The following DAPK1 variants were observed in gnomAD, a reference collection of about 807,000 sequenced individuals.
DAPK1 encodes the protein death-associated protein kinase 1.
Under a neutral mutation model 144.9 loss-of-function variants are expected in DAPK1, and 56 were observed. The ratio of observed to expected loss-of-function variants is 0.39; its 90% CI spans 0.31 to 0.48. The LOEUF (loss-of-function observed/expected upper bound fraction) is 0.48. DAPK1 is among the 20% of genes least tolerant of loss of function. DAPK1 has a pLI of 0.95. For synonymous variants in DAPK1, 690 were observed against 749.0 expected (o/e 0.92, Z 1.29); for missense variants, 1,454 against 1,875.4 (o/e 0.78, Z 4.15).
At chr9:87,596,415 A>C (rs1828319038) in intron 2 of DAPK1, among the ~76,000 whole-genome samples, 1 of 152,204 alleles carries the variant, frequency 6.6e-6, no homozygotes, top group Admixed American at 6.5e-5. Context: ...GGAGGCCAGC[A>C]ATAAGCCCTG....
chr9:87,624,487 G>T (rs1829420715), intron 3 of DAPK1, among the ~76,000 whole-genome samples: 4 of 152,198 alleles, frequency 2.6e-5, no homozygotes, highest in Admixed American at 2.6e-4. Context: ...GGTCGAGCAG[G>T]CACAGAACTT....
chr9:87,587,029 T>G (rs1440281174), intron 2 of DAPK1, among the ~76,000 whole-genome samples: 1 of 152,234 alleles, frequency 6.6e-6, no homozygotes, highest in Non-Finnish European at 1.5e-5. Context: ...TTTTAAATTT[T>G]TATATCCTTA....
chr9:87,649,771 GA>G, intron 15 of DAPK1, 149 bp from the exon 16 acceptor site: 1 of 730,264 alleles, frequency 1.4e-6, no homozygotes, highest in African/African-American at 1.7e-5. Flanking sequence ...TTTTATTCCA[GA>G]TTAATATTTC....
At chr9:87,509,020 A>G (rs67900460) in intron 2 of DAPK1, among the ~76,000 whole-genome samples, 42,418 of 152,132 alleles carry the variant, frequency 0.28, 7,053 homozygotes, top group African/African-American at 0.44. Flanking sequence ...TCAATTTTTG[A>G]GGCCATCTGT....
rs759579716 is a variant in DAPK1, at chr9:87,686,635, C to A, written c.2309C>A (p.Thr770Asn). The A allele has an allele frequency of 6.2e-7, 1 of 1,611,442 alleles. No individual in the cohort carries two copies. Among genetic ancestry groups the A allele is most frequent in the Non-Finnish European group, 8.5e-7 (1 of 1,178,008 alleles). The change falls in exon 21 of 26, where the codon ACC (threonine) becomes AAC (asparagine). Residue 770 changes from threonine (T) to asparagine (N), a missense_variant. Thr to Asn is a moderately conservative substitution (Grantham distance 65, BLOSUM62 0). Transcript: ENST00000408954. The surrounding 1 kb of genome is among the most constrained non-coding windows in gnomAD (Gnocchi z 4.2). ...AGCATGATGTTCGAGCCGGGTCTTA[C>A]CAAAGGGATGCTGGAGGTGTTTGTG... ...SRSMMFEPGLTKGMLEVFVAP... is the reference protein window; with the variant it reads ...SRSMMFEPGLNKGMLEVFVAP...
chr9:87,660,734 T>C (rs879464154), intron 18 of DAPK1, among the ~76,000 whole-genome samples: 5 of 152,238 alleles, frequency 3.3e-5, no homozygotes, highest in African/African-American at 7.2e-5. Context: ...GCATGTGATA[T>C]TTGGTTTTCT....
intron 19 of DAPK1, among the ~76,000 whole-genome samples, chr9:87,671,757 T>C (rs1189445597): frequency 6.6e-6 from 1 of 152,196 alleles, no homozygotes; most frequent in East Asian, 1.9e-4. Context: ...TTAGTGATCT[T>C]CCTACTCTGG....
At chr9:87,551,865 G>A (rs1487002373) in intron 2 of DAPK1, among the ~76,000 whole-genome samples, 1 of 152,132 alleles carries the variant, frequency 6.6e-6, no homozygotes, top group Non-Finnish European at 1.5e-5. Flanking sequence ...TCTGAGGGGC[G>A]GGCGCTGCTG....
At position 87,651,448 on chromosome 9, in the gene DAPK1, A is replaced by G. The variant is rs928789633; in HGVS notation, c.1627-79A>G. ...CTTGTTGCCAATTAAACCTCACTCG[A>G]TGGCGGCAGAAAAGGTGAAGAGACG... On this transcript the variant is annotated intron_variant, in intron 16 of 25. Coordinates refer to ENST00000408954, the MANE Select transcript of DAPK1 (RefSeq NM_004938.4). The G allele has an allele frequency of 9.9e-6, 14 of 1,408,656 alleles. No individual in the cohort carries two copies. In the African/African-American group the frequency reaches 1.7e-4, roughly 17 times the overall value. 87.3% of individuals were successfully genotyped at this position (1,408,656 alleles called of 1,614,324 possible). A position where few individuals can be genotyped will look rare whatever the true frequency, so the allele number is the denominator to read the frequency against.
chr9:87,674,693 C>G (rs1417350315), intron 19 of DAPK1, among the ~76,000 whole-genome samples: 1 of 152,130 alleles, frequency 6.6e-6, no homozygotes, highest in Non-Finnish European at 1.5e-5. Context: ...ACCATCCGTG[C>G]AGTCTCACTG....
chr9:87,536,156 T>C (rs3088234), intron 2 of DAPK1, among the ~76,000 whole-genome samples: 71,510 of 152,012 alleles, frequency 0.47, 17,008 homozygotes, highest in South Asian at 0.58. Flanking sequence ...TTTGGTGTCC[T>C]CAAAGCAGCC....
At chr9:87,693,715 TAG>T (rs1224756689) in intron 21 of DAPK1, among the ~76,000 whole-genome samples, 1 of 152,220 alleles carries the variant, frequency 6.6e-6, no homozygotes, top group Admixed American at 6.5e-5. Flanking sequence ...CTTGCTTTCA[TAG>T]GGGAGGGCAT....
chr9:87,660,124 C>T (rs1157784872), intron 18 of DAPK1, among the ~76,000 whole-genome samples: 3 of 152,146 alleles, frequency 2.0e-5, no homozygotes, highest in Admixed American at 6.5e-5. Context: ...TGTTCAGGAC[C>T]GGAGCTCAGC....
intron 2 of DAPK1, among the ~76,000 whole-genome samples, chr9:87,502,856 G>T (rs569655291): frequency 1.3e-5 from 2 of 152,250 alleles, no homozygotes; most frequent in South Asian, 4.2e-4. Flanking sequence ...TGGAGTTGTT[G>T]TGGTCCTTTC....
At chr9:87,528,407 G>A (rs1825588704) in intron 2 of DAPK1, among the ~76,000 whole-genome samples, 1 of 151,992 alleles carries the variant, frequency 6.6e-6, no homozygotes, top group Admixed American at 6.5e-5. Flanking sequence ...TAGTAGAGAT[G>A]GGGTTTCGCC....
intron 2 of DAPK1, among the ~76,000 whole-genome samples, chr9:87,561,892 G>C (rs1826940341): frequency 6.6e-6 from 1 of 152,168 alleles, no homozygotes. Context: ...ACCATGCCCA[G>C]GGTTCAAGCA....
intron 24 of DAPK1, among the ~76,000 whole-genome samples, chr9:87,702,394 A>G (rs552213908): frequency 3.9e-5 from 6 of 152,358 alleles, no homozygotes; most frequent in Admixed American, 1.3e-4. Context: ...CAATATTTCA[A>G]CAACAGTCCC....
chr9:87,676,358 GAT>G, intron 19 of DAPK1, among the ~76,000 whole-genome samples: 1 of 152,226 alleles, frequency 6.6e-6, no homozygotes, highest in Non-Finnish European at 1.5e-5. Context: ...TCATTACGTG[GAT>G]GAAAGCTGCT....
chr9:87,605,531 C>CCT (rs36207724), intron 3 of DAPK1, among the ~76,000 whole-genome samples: 2 of 115,592 alleles, frequency 1.7e-5, no homozygotes, highest in African/African-American at 6.5e-5. Flanking sequence ...CTATTCCTTT[C>CCT]CTCTCTCTGT....
Sources: gnomAD v4.1 joint callset for allele counts (sites outside exome capture counted in the v4.1 genomes callset) on GRCh38, gnomAD v4.1.1 for gene constraint, Gnocchi (gnomAD v3.1) non-coding constraint, MANE v1.5 for transcripts, NCBI Gene and HGNC (gene_info 2026-07-23, HGNC 2026-07-21) for gene names.